The following DCDC1 variants were observed in gnomAD, a reference collection of about 807,000 sequenced individuals.
DCDC1 encodes doublecortin domain-containing protein 1.
A neutral mutation model predicts 178.3 loss-of-function variants in DCDC1; 200 were observed. The ratio of observed to expected loss-of-function variants is 1.12; its 90% confidence interval spans 1.00 to 1.26. DCDC1 has a LOEUF of 1.26. DCDC1 is among the 50% of genes most tolerant of loss of function. DCDC1 has a pLI of 0.00. For missense variants in DCDC1, 1,983 were observed against 1,749.2 expected, an observed-to-expected ratio of 1.13 and a Z score of -2.38; for synonymous variants, 690 against 604.8, an observed-to-expected ratio of 1.14 and a Z score of -2.07.
intron 9 of DCDC1, among the ~76,000 whole-genome samples, chr11:31,162,167 T>A (rs2136170626): frequency 6.6e-6 from 1 of 152,328 alleles, no homozygotes; most frequent in Non-Finnish European, 1.5e-5. Flanking sequence ...ACAGAGAAAG[T>A]ATTTTTGAAT....
chr11:31,186,874 C>G (rs1969564140), intron 9 of DCDC1, among the ~76,000 whole-genome samples: 1 of 152,164 alleles, frequency 6.6e-6, no homozygotes, highest in Admixed American at 6.5e-5. Context: ...AAATCTGTGG[C>G]CAGTTTGGTA....
intron 8 of DCDC1, among the ~76,000 whole-genome samples, chr11:31,262,127 C>T (rs1944829687): frequency 6.6e-6 from 1 of 152,076 alleles, no homozygotes; most frequent in Non-Finnish European, 1.5e-5. Flanking sequence ...AAAAAGTAGG[C>T]ACAGTGGCCT....
In DCDC1 at chr11:31,358,519, T is replaced by C. The variant is rs199943534; in HGVS notation, c.-125+11178A>G. Among the ~76,000 whole-genome samples, 33 of 151,670 alleles carry C rather than the reference T, an allele frequency of 2.2e-4. 1 individual carries two copies. In the East Asian group the frequency reaches 6.4e-3, roughly 29 times the overall value. On this transcript the variant is annotated intron_variant, in intron 1 of 38. Coordinates refer to ENST00000684477, the MANE Select transcript of DCDC1 (RefSeq NM_001387274.1). Reference sequence around the variant, plus strand: ...AACCTAGGCATTACCATTCAGGACATAGGCATGGGCAAGGACTTCATGTCT... The same window carrying C: ...AACCTAGGCATTACCATTCAGGACACAGGCATGGGCAAGGACTTCATGTCT...
intron 1 of DCDC1, among the ~76,000 whole-genome samples, chr11:31,343,106 T>C (rs1024032974): frequency 6.6e-6 from 1 of 151,986 alleles, no homozygotes; most frequent in Non-Finnish European, 1.5e-5. Flanking sequence ...TCTCTACAAA[T>C]AAAAAATTTT....
intron 8 of DCDC1, among the ~76,000 whole-genome samples, chr11:31,249,159 C>T (rs1359414826): frequency 6.6e-6 from 1 of 151,762 alleles, no homozygotes; most frequent in Non-Finnish European, 1.5e-5. Context: ...ACAAGTGTAC[C>T]CCAACAAAAA....
At chr11:31,242,946 T>C (rs1977351219) in intron 8 of DCDC1, among the ~76,000 whole-genome samples, 1 of 151,856 alleles carries the variant, frequency 6.6e-6, no homozygotes, top group East Asian at 1.9e-4. Flanking sequence ...TAATATAGTA[T>C]AAAGTTAAGA....
At chr11:31,087,560 T>C (rs1358515953) in intron 17 of DCDC1, among the ~76,000 whole-genome samples, 1 of 152,150 alleles carries the variant, frequency 6.6e-6, no homozygotes, top group Non-Finnish European at 1.5e-5. Flanking sequence ...CAGTTCAAAA[T>C]ACTTGCTAAT....
At chr11:31,323,854 A>C (rs1949506719) in intron 3 of DCDC1, among the ~76,000 whole-genome samples, 1 of 152,122 alleles carries the variant, frequency 6.6e-6, no homozygotes, top group African/African-American at 2.4e-5. Flanking sequence ...GTTTTTATTA[A>C]ACTTCATCCT....
intron 1 of DCDC1, among the ~76,000 whole-genome samples, chr11:31,356,849 A>C (rs1305509791): frequency 3.9e-5 from 6 of 152,170 alleles, no homozygotes; most frequent in Middle Eastern, 3.4e-3. Context: ...GAAATGGATA[A>C]ATTCCTTGAC....
intron 24 of DCDC1, among the ~76,000 whole-genome samples, chr11:30,921,881 T>C (rs980954623): frequency 1.3e-5 from 2 of 152,040 alleles, no homozygotes; most frequent in East Asian, 1.9e-4. Context: ...TTTGGGGAGC[T>C]TTCCAAAAGT....
chr11:30,933,214 C>CA (rs1554973225), intron 21 of DCDC1, among the ~76,000 whole-genome samples: 86 of 151,576 alleles, frequency 5.7e-4, no homozygotes, highest in African/African-American at 2.0e-3. Context: ...ATATGCTCAC[C>CA]TTTTTTTTCT....
intron 11 of DCDC1, among the ~76,000 whole-genome samples, chr11:31,125,725 T>C (rs1961511050): frequency 1.3e-5 from 2 of 151,994 alleles, no homozygotes; most frequent in South Asian, 2.1e-4. Flanking sequence ...AGATGAATAA[T>C]GAGAACACGT....
chr11:31,215,309 A>T (rs1347248069), intron 9 of DCDC1: 4 of 155,728 alleles, frequency 2.6e-5, no homozygotes, highest in Non-Finnish European at 5.7e-5. Flanking sequence ...ATACATTTTA[A>T]AAATAAGAAA....
intron 9 of DCDC1, among the ~76,000 whole-genome samples, chr11:31,178,232 AT>A (rs1361499800): frequency 2.6e-5 from 4 of 152,212 alleles, no homozygotes; most frequent in Non-Finnish European, 2.9e-5. Flanking sequence ...CCATAAATAA[AT>A]TCATGCACCC....
chr11:31,305,032 T>G (rs1229196664), intron 6 of DCDC1, among the ~76,000 whole-genome samples: 3 of 152,172 alleles, frequency 2.0e-5, no homozygotes, highest in African/African-American at 7.2e-5. Flanking sequence ...AGAAATGAAC[T>G]TTTTGGAAAA....
intron 7 of DCDC1, among the ~76,000 whole-genome samples, chr11:31,282,849 C>A (rs371603714): frequency 6.6e-6 from 1 of 152,060 alleles, no homozygotes; most frequent in South Asian, 2.1e-4. Context: ...AATAAGATAA[C>A]CAGTTTTTTC....
intron 32 of DCDC1, among the ~76,000 whole-genome samples, chr11:30,903,043 CAT>C (rs1208717897): frequency 6.6e-6 from 1 of 152,044 alleles, no homozygotes; most frequent in Admixed American, 6.6e-5. Context: ...ACAGTAAAAG[CAT>C]AGAGAGGACA....
intron 9 of DCDC1, among the ~76,000 whole-genome samples, chr11:31,239,305 T>C (rs1976826403): frequency 6.6e-6 from 1 of 152,036 alleles, no homozygotes; most frequent in African/African-American, 2.4e-5. Flanking sequence ...CATTAATTCT[T>C]AAGAAGGATA....
chr11:31,081,064 C>T (rs1814006573), intron 17 of DCDC1, among the ~76,000 whole-genome samples: 1 of 152,140 alleles, frequency 6.6e-6, no homozygotes, highest in Non-Finnish European at 1.5e-5. Context: ...AAGATGTCCA[C>T]CAAGCTGGCA....
Sources: gnomAD v4.1 joint callset for allele counts (sites outside exome capture counted in the v4.1 genomes callset) on GRCh38, gnomAD v4.1.1 for gene constraint, MANE v1.5 for transcripts, NCBI Gene and HGNC (gene_info 2026-07-23, HGNC 2026-07-21) for gene names.